Variants in PARD3 observed in about 807,000 individuals in gnomAD.
PARD3 encodes partitioning defective 3 homolog.
Under a neutral mutation model 155.4 loss-of-function variants are expected in PARD3, and 75 were observed. The observed-to-expected ratio is 0.48, with a 90% CI of 0.40 to 0.58. The LOEUF (loss-of-function observed/expected upper bound fraction) is 0.58, where lower values mean the gene tolerates loss of function less well. Ranked by LOEUF, PARD3 falls within the 20% of genes least tolerant of loss-of-function variation. The probability of loss-of-function intolerance (pLI) is 0.00; values close to 1 mark genes in which losing one functional copy is unlikely to be tolerated. For synonymous variants in PARD3, 576 were observed against 610.5 expected (o/e 0.94, Z 0.83); for missense variants, 1,642 against 1,721.7 (o/e 0.95, Z 0.82).
chr10:34,554,391 A>G (rs1371984234), intron 2 of PARD3, among the ~76,000 whole-genome samples: 1 of 152,222 alleles, frequency 6.6e-6, no homozygotes, highest in Non-Finnish European at 1.5e-5. Flanking sequence ...TGAAGTGTTG[A>G]CAAATGCTTT....
At chr10:34,469,960 G>C in intron 4 of PARD3, 125 bp downstream of exon 4, 1 of 644,908 alleles carries the variant, frequency 1.6e-6, no homozygotes, top group South Asian at 3.0e-5. Context: ...TTGGTACCAC[G>C]CTCACAAAAG....
intron 12 of PARD3, among the ~76,000 whole-genome samples, chr10:34,367,436 T>G (rs1203446208): frequency 6.6e-6 from 1 of 152,256 alleles, no homozygotes; most frequent in African/African-American, 2.4e-5. Context: ...CCAGGCGCAG[T>G]GGCTCACGCC....
chr10:34,530,244 G>A lies in PARD3; in HGVS notation c.223-13085C>T, dbSNP rs180771884. Among the ~76,000 whole-genome samples the A allele has an allele frequency of 3.3e-5, 5 of 151,844 alleles. No individual in the cohort carries two copies. The East Asian group carries it at 9.7e-4, about 29-fold the overall frequency. On this transcript the variant is annotated intron_variant, in intron 2 of 24. Transcript: ENST00000374788. ...TACATCACAATGTCTGACTTTTTCT[G>A]TTTTTTTTCTCTAAAAATATTTCCA...
chr10:34,417,853 C>T (rs1845820705), intron 5 of PARD3, among the ~76,000 whole-genome samples: 8 of 152,186 alleles, frequency 5.3e-5, no homozygotes, highest in Admixed American at 4.6e-4. Flanking sequence ...TGACCAATGA[C>T]CCATCCAGAA....
intron 2 of PARD3, among the ~76,000 whole-genome samples, chr10:34,573,718 AACAAACAAACAAACAAAAAC>A (rs1296849215): frequency 2.7e-5 from 3 of 112,846 alleles, no homozygotes; most frequent in African/African-American, 9.1e-5. Flanking sequence ...AAAACAAACA[AACAAACAAACAAACAAAAAC>A]ACACACACAC....
chr10:34,127,702 G>C (rs1006608077), intron 23 of PARD3, among the ~76,000 whole-genome samples: 5 of 152,204 alleles, frequency 3.3e-5, no homozygotes, highest in Admixed American at 6.5e-5. Flanking sequence ...AGAATGATAA[G>C]CTCAGGCGGG....
At chr10:34,712,869 T>G (rs1021197062) in intron 1 of PARD3, among the ~76,000 whole-genome samples, 1 of 151,984 alleles carries the variant, frequency 6.6e-6, no homozygotes, top group Non-Finnish European at 1.5e-5. Context: ...CTCAGCATCA[T>G]GCAATATACC....
At chr10:34,751,706 C>T (rs1049198437) in intron 1 of PARD3, among the ~76,000 whole-genome samples, 2 of 151,866 alleles carry the variant, frequency 1.3e-5, no homozygotes, top group Non-Finnish European at 2.9e-5. Flanking sequence ...CAGGCTCAAG[C>T]AATCCCCCCA....
chr10:34,637,154 C>G (rs1018451955), intron 2 of PARD3, among the ~76,000 whole-genome samples: 1 of 152,188 alleles, frequency 6.6e-6, no homozygotes, highest in African/African-American at 2.4e-5. Context: ...GTAAAATAAA[C>G]CTGTTAGCCA....
rs191801009 is a variant in PARD3, at chr10:34,459,213, C to T, written c.583-8765G>A. On this transcript the variant is annotated intron_variant, in intron 4 of 24. Coordinates refer to ENST00000374788, the MANE Select transcript of PARD3 (RefSeq NM_001184785.2). ...ACGGAGTCTCGCTCTGTGGCCCAGG[C>T]TGGAGTGCAGTGGCGTGATCTCGGC... Among the ~76,000 whole-genome samples, 7 of 152,308 alleles carry T rather than the reference C, an allele frequency of 4.6e-5. No homozygotes were observed. The East Asian group carries it at 1.4e-3, about 29-fold the overall frequency.
chr10:34,425,772 C>T (rs948391841), intron 5 of PARD3, among the ~76,000 whole-genome samples: 1 of 152,196 alleles, frequency 6.6e-6, no homozygotes, highest in Non-Finnish European at 1.5e-5. Flanking sequence ...GGATTTTAAT[C>T]CCCTTCTAGT....
chr10:34,453,796 G>A (rs1270713020), intron 4 of PARD3, among the ~76,000 whole-genome samples: 4 of 152,184 alleles, frequency 2.6e-5, no homozygotes, highest in African/African-American at 9.7e-5. Flanking sequence ...AGTCAATTAT[G>A]ACATGCAGTA....
At chr10:34,185,633 C>T (rs1325074814) in intron 22 of PARD3, among the ~76,000 whole-genome samples, 1 of 151,340 alleles carries the variant, frequency 6.6e-6, no homozygotes, top group Non-Finnish European at 1.5e-5. Context: ...ATATTTTTTG[C>T]CTCTCATGTT....
intron 12 of PARD3, among the ~76,000 whole-genome samples, chr10:34,360,528 G>C (rs1484040339): frequency 6.6e-6 from 1 of 152,074 alleles, no homozygotes; most frequent in Non-Finnish European, 1.5e-5. Flanking sequence ...TGTAGTGGAA[G>C]GACTAAAGAC....
intron 2 of PARD3, among the ~76,000 whole-genome samples, chr10:34,519,465 C>CT (rs1219368836): frequency 1.3e-5 from 2 of 152,066 alleles, no homozygotes; most frequent in Non-Finnish European, 2.9e-5. Context: ...AAAAAGTACT[C>CT]TATGTCTTCT....
At chr10:34,267,334 C>G (rs1258153554) in intron 22 of PARD3, among the ~76,000 whole-genome samples, 1 of 152,082 alleles carries the variant, frequency 6.6e-6, no homozygotes, top group Non-Finnish European at 1.5e-5. Flanking sequence ...TCTTTGGATC[C>G]TGACATATCT....
At chr10:34,580,661 A>G (rs1189712207) in intron 2 of PARD3, among the ~76,000 whole-genome samples, 1 of 152,222 alleles carries the variant, frequency 6.6e-6, no homozygotes, top group Admixed American at 6.5e-5. Flanking sequence ...GCCATAAAAC[A>G]TTTGCCAAAA....
At chr10:34,468,388 T>C (rs2078140209) in intron 4 of PARD3, among the ~76,000 whole-genome samples, 1 of 152,256 alleles carries the variant, frequency 6.6e-6, no homozygotes, top group South Asian at 2.1e-4. Context: ...GAAACTTCCG[T>C]ATGTTTCAAA....
At chr10:34,715,234 C>T (rs572930201) in intron 1 of PARD3, among the ~76,000 whole-genome samples, 19 of 152,144 alleles carry the variant, frequency 1.2e-4, no homozygotes, top group African/African-American at 4.3e-4. Context: ...CACACCACCA[C>T]GCCCAGCACA....
Sources: allele counts gnomAD v4.1 joint callset (sites outside exome capture counted in the v4.1 genomes callset), GRCh38; gene constraint gnomAD v4.1.1; transcripts MANE v1.5; gene names NCBI Gene and HGNC (gene_info 2026-07-23, HGNC 2026-07-21).